Variants in GABRA4 observed in about 807,000 individuals in gnomAD.
GABRA4 encodes the protein gamma-aminobutyric acid type A receptor subunit alpha4, also known as gamma-aminobutyric acid receptor subunit alpha-4.
In GABRA4, 12 loss-of-function variants were observed where a neutral mutation model predicts 49.7. The observed-to-expected ratio is 0.24, with a 90% CI of 0.15 to 0.39. GABRA4 has a LOEUF of 0.39. Among genes scored for constraint, GABRA4 ranks in the 10% least tolerant of loss-of-function variants. The pLI is 1.00. For missense variants in GABRA4, 506 were observed against 686.0 expected (o/e 0.74, Z 2.93); for synonymous variants, 288 against 240.2 (o/e 1.20, Z -1.84).
chr4:46,937,935 T>C (rs1721654458), intron 8 of GABRA4, among the ~76,000 whole-genome samples: 1 of 152,176 alleles, frequency 6.6e-6, no homozygotes, highest in Admixed American at 6.6e-5. Flanking sequence ...GACTCACTCA[T>C]AATGTGAATA....
chr4:46,958,547 A>G (rs1379466865), intron 8 of GABRA4, among the ~76,000 whole-genome samples: 2 of 151,960 alleles, frequency 1.3e-5, no homozygotes, highest in Non-Finnish European at 2.9e-5. Context: ...AAGAAATGAG[A>G]ATGTGAAAGG....
rs568360333 is a variant in GABRA4, at chr4:46,925,190, T to C, written c.*3035A>G. 5.9e-5 allele frequency: 9 copies of C among 152,078 alleles called. No individual in the cohort carries two copies. In the East Asian group the frequency reaches 1.7e-3, roughly 29 times the overall value. The allele number at this position is 152,078 out of a possible 1,614,324, so 9.4% of individuals were successfully genotyped here. Reference sequence around the variant, plus strand: ...TCTTTCCAACCCTGTGATTTTATCTTTGTCATGTAACTTCTCTGTGACTCA... The same window carrying C: ...TCTTTCCAACCCTGTGATTTTATCTCTGTCATGTAACTTCTCTGTGACTCA... On this transcript the variant is annotated 3_prime_UTR_variant, in exon 9 of 9. Coordinates refer to ENST00000264318, the MANE Select transcript of GABRA4 (RefSeq NM_000809.4).
intron 8 of GABRA4, among the ~76,000 whole-genome samples, chr4:46,936,809 G>T (rs1721617284): frequency 6.6e-6 from 1 of 152,128 alleles, no homozygotes; most frequent in Non-Finnish European, 1.5e-5. Flanking sequence ...TGGCACGATA[G>T]TGTCACTTTT....
intron 8 of GABRA4, among the ~76,000 whole-genome samples, chr4:46,945,803 C>T (rs538855931): frequency 2.0e-5 from 3 of 152,208 alleles, no homozygotes; most frequent in Admixed American, 6.6e-5. Context: ...GAAAAAGTAG[C>T]CTACAGGCTT....
Position 46,928,138 on chromosome 4 carries a change from G to C in GABRA4, c.*87C>G, listed in dbSNP as rs539516243. The C allele has an allele frequency of 6.3e-6, 7 of 1,117,564 alleles. No homozygotes were observed. The highest frequency in any genetic ancestry group is 8.6e-6 in the Non-Finnish European group (7 of 817,156). The allele number at this position is 1,117,564 out of a possible 1,614,324, so 69.2% of individuals were successfully genotyped here. ...AAAATTACACAGAGTTTTTATTTTA[G>C]TAAAGAATATTTGTTTATATTTAAA... On this transcript the variant is annotated 3_prime_UTR_variant, in exon 9 of 9. Transcript: ENST00000264318.
chr4:46,955,334 A>T (rs761552598), intron 8 of GABRA4, among the ~76,000 whole-genome samples: 3 of 152,116 alleles, frequency 2.0e-5, no homozygotes, highest in Non-Finnish European at 2.9e-5. Context: ...AAAGAACCTA[A>T]ATCTTCAATT....
In GABRA4 at chr4:46,974,344, G is replaced by A. The variant is rs752317933; in HGVS notation, c.609C>T (p.Thr203=). 1 of 1,611,250 alleles carries A rather than the reference G, an allele frequency of 6.2e-7. No individual in the cohort carries two copies. The highest frequency in any genetic ancestry group is 2.2e-5 in the East Asian group (1 of 44,732). Reference sequence around the variant, plus strand: ...CTGATTTCTCAGGACCTTTTGTCCAGGTATAGATCATCTCACTCTTTGGAT... The same window carrying A: ...CTGATTTCTCAGGACCTTTTGTCCAAGTATAGATCATCTCACTCTTTGGAT... ...YAYPKSEMIY[T]WTKGPEKSVE... The change falls in exon 6 of 9, where the codon ACC becomes ACT. Residue 203 remains threonine, a synonymous_variant. Coordinates refer to ENST00000264318, the MANE Select transcript of GABRA4 (RefSeq NM_000809.4).
intron 2 of GABRA4, among the ~76,000 whole-genome samples, chr4:46,981,081 T>C (rs996705600): frequency 1.3e-5 from 2 of 152,118 alleles, no homozygotes; most frequent in African/African-American, 4.8e-5. Context: ...GATTTAGTAC[T>C]AGGCATAAGG....
intron 8 of GABRA4, among the ~76,000 whole-genome samples, chr4:46,958,674 C>T (rs559414392): frequency 1.3e-5 from 2 of 151,982 alleles, no homozygotes; most frequent in African/African-American, 4.8e-5. Context: ...CAAAGACATA[C>T]TCAAGCTACC....
At chr4:46,980,601 A>G (rs1167866040) in intron 2 of GABRA4, among the ~76,000 whole-genome samples, 1 of 152,134 alleles carries the variant, frequency 6.6e-6, no homozygotes, top group Non-Finnish European at 1.5e-5. Context: ...AATCAGGCTT[A>G]GCTAACATGA....
rs1487333395 is a variant in GABRA4, at chr4:46,928,556, A to G, written c.1334T>C (p.Ile445Thr). Residue 445 changes from isoleucine (I) to threonine (T), a missense_variant, in exon 9 of 9, where the codon ATA (isoleucine) becomes ACA (threonine). Physicochemically the swap from Ile to Thr is moderately conservative, Grantham distance 89 (BLOSUM62 -1). This residue lies in a region of GABRA4 where 243 missense variants were observed against 210.8 expected (regional missense o/e 1.15). Transcript: ENST00000264318. ...PFSRANAAET[I>T]SAARALPSAS... is the part of the protein sequence containing the mutation. ...AGATGGAAGTGCTCTTGCTGCAGATATGGTTTCAGCTGCATTTGCACGGCT... is the reference window on the plus strand; with the variant it reads ...AGATGGAAGTGCTCTTGCTGCAGATGTGGTTTCAGCTGCATTTGCACGGCT... 6.2e-7 allele frequency: 1 copy of G among 1,613,580 alleles called. No homozygotes were observed. Among genetic ancestry groups the G allele is most frequent in the African/African-American group, 1.3e-5 (1 of 74,892 alleles).
At chr4:46,984,589 GAAC>G (rs2109403297) in intron 2 of GABRA4, among the ~76,000 whole-genome samples, 2 of 151,624 alleles carry the variant, frequency 1.3e-5, no homozygotes, top group African/African-American at 4.8e-5. Context: ...AGAAAAGCAT[GAAC>G]AACAACAAAA....
At position 46,934,084 on chromosome 4, in the gene GABRA4, C is replaced by T. The variant is rs554948872; in HGVS notation, c.1135-5329G>A. Among the ~76,000 whole-genome samples the T allele has an allele frequency of 3.9e-5, 6 of 152,278 alleles. No individual in the cohort carries two copies. The South Asian group carries it at 1.2e-3, about 32-fold the overall frequency. On this transcript the variant is annotated intron_variant, in intron 8 of 8. Transcript: ENST00000264318. Reference sequence around the variant, plus strand: ...TGACTAAGATTAGGTCTGCAGAATGCACACAGCTACATTCATATTACTTGC... The same window carrying T: ...TGACTAAGATTAGGTCTGCAGAATGTACACAGCTACATTCATATTACTTGC...
At chr4:46,929,139 A>G (rs1297989465) in intron 8 of GABRA4, among the ~76,000 whole-genome samples, 1 of 151,986 alleles carries the variant, frequency 6.6e-6, no homozygotes, top group Non-Finnish European at 1.5e-5. Flanking sequence ...TATATGTCAT[A>G]TACATTTCAA....
chr4:46,928,392 A>G lies in GABRA4; in HGVS notation c.1498T>C (p.Ser500Pro). 1 of 1,613,678 alleles carries G rather than the reference A, an allele frequency of 6.2e-7. No individual in the cohort carries two copies. The highest frequency in any genetic ancestry group is 8.5e-7 in the Non-Finnish European group (1 of 1,179,686). Residue 500 changes from serine to proline, a missense_variant, in exon 9 of 9, where the codon TCA becomes CCA. Transcript: ENST00000264318. The part of the protein sequence containing the change: ...VNTIGATGKL[S>P]ATPPPSAPPP... ...GGAGCCGATGGAGGAGGAGTAGCTG[A>G]CAACTTCCCAGTAGCCCCTATGGTA...
rs1720976553 is a variant in GABRA4, at chr4:46,920,365, T to C, written c.*7860A>G. On this transcript the variant is annotated 3_prime_UTR_variant, in exon 9 of 9. Transcript: ENST00000264318. Reference sequence around the variant, plus strand: ...GTATTTGCCAGTCTCCTTTAATGGATACTATAGTAATAATAAAAATGAGAC... The same window carrying C: ...GTATTTGCCAGTCTCCTTTAATGGACACTATAGTAATAATAAAAATGAGAC... 6.6e-6 allele frequency: 1 copy of C among 151,658 alleles called. No individual in the cohort carries two copies. Among genetic ancestry groups the C allele is most frequent in the Admixed American group, 6.6e-5 (1 of 15,208 alleles). The allele number at this position is 151,658 out of a possible 1,614,324, so 9.4% of individuals were successfully genotyped here. A position where few individuals can be genotyped will look rare whatever the true frequency, so the allele number is the denominator to read the frequency against.
intron 7 of GABRA4, among the ~76,000 whole-genome samples, chr4:46,969,887 C>A (rs1394425445): frequency 1.3e-5 from 2 of 151,272 alleles, no homozygotes; most frequent in Admixed American, 6.6e-5. Flanking sequence ...TTTAATTGAA[C>A]CCTTATAACT....
At chr4:46,975,677 A>G (rs1158200930) in intron 5 of GABRA4, among the ~76,000 whole-genome samples, 1 of 151,934 alleles carries the variant, frequency 6.6e-6, no homozygotes, top group Non-Finnish European at 1.5e-5. Context: ...AACACGAACT[A>G]TGTTCAAGTC....
At position 46,956,467 on chromosome 4, in the gene GABRA4, G is replaced by GGT. The variant is rs1253569567; in HGVS notation, c.1134+8502_1134+8503insAC. On this transcript the variant is annotated intron_variant, in intron 8 of 8. Coordinates refer to ENST00000264318, the MANE Select transcript of GABRA4 (RefSeq NM_000809.4). ...CTAGTTTATATACCCTTTAGGAATG[G>GGT]AATGAAGCTTGTATATTATGATAGC... Among the ~76,000 whole-genome samples, 6 of 152,020 alleles carry GGT rather than the reference G, an allele frequency of 3.9e-5. No homozygotes were observed. The East Asian group carries it at 5.8e-4, about 15-fold the overall frequency.
Sources: allele counts gnomAD v4.1 joint callset (sites outside exome capture counted in the v4.1 genomes callset), GRCh38; gene constraint gnomAD v4.1.1; regional missense constraint gnomAD v4.1.1; transcripts MANE v1.5; gene names NCBI Gene and HGNC (gene_info 2026-07-23, HGNC 2026-07-21).